Variants in ADAMTS3 observed in about 807,000 individuals in gnomAD.
The protein encoded by ADAMTS3 is ADAM metallopeptidase with thrombospondin type 1 motif 3.
ADAMTS3 carries 73 observed loss-of-function variants against 129.0 expected under a neutral mutation model. That is an observed-to-expected ratio of 0.57 (90% confidence interval 0.47 to 0.69). The LOEUF is 0.69. ADAMTS3 is among the 30% of genes least tolerant of loss of function. The pLI, the probability that ADAMTS3 is intolerant of heterozygous loss-of-function variation, is 0.00. For synonymous variants in ADAMTS3, 477 were observed against 510.8 expected, an observed-to-expected ratio of 0.93 and a Z score of 0.89; for missense variants, 1,457 against 1,514.5, an observed-to-expected ratio of 0.96 and a Z score of 0.63.
intron 4 of ADAMTS3, among the ~76,000 whole-genome samples, chr4:72,397,539 TGG>T (rs1333831454): frequency 6.8e-6 from 1 of 147,316 alleles, no homozygotes; most frequent in Non-Finnish European, 1.5e-5. Context: ...CATTCCAGCC[TGG>T]GCGACAGGGT....
intron 3 of ADAMTS3, among the ~76,000 whole-genome samples, chr4:72,525,476 T>G (rs1560550728): frequency 2.0e-5 from 3 of 152,168 alleles, no homozygotes. Flanking sequence ...CATGGAATAG[T>G]TTAATCATAT....
At chr4:72,315,426 C>T (rs1719364997) in intron 11 of ADAMTS3, among the ~76,000 whole-genome samples, 1 of 152,040 alleles carries the variant, frequency 6.6e-6, no homozygotes, top group South Asian at 2.1e-4. Flanking sequence ...AGATTTGACC[C>T]ATAAAGATGA....
chr4:72,512,863 T>G (rs1408365072), intron 3 of ADAMTS3, among the ~76,000 whole-genome samples: 2 of 152,220 alleles, frequency 1.3e-5, no homozygotes, highest in Non-Finnish European at 2.9e-5. Context: ...TTTTGTCTCT[T>G]CTGGCTTCTC....
At chr4:72,411,097 A>G (rs893372665) in intron 4 of ADAMTS3, among the ~76,000 whole-genome samples, 1 of 152,152 alleles carries the variant, frequency 6.6e-6, no homozygotes, top group Non-Finnish European at 1.5e-5. Context: ...TTAAAAAAAC[A>G]TATTTTTAAA....
At chr4:72,338,908 A>G (rs1389956115) in intron 5 of ADAMTS3, among the ~76,000 whole-genome samples, 1 of 152,166 alleles carries the variant, frequency 6.6e-6, no homozygotes, top group African/African-American at 2.4e-5. Flanking sequence ...GGTTCATAAA[A>G]GAGAAATAAA....
intron 3 of ADAMTS3, among the ~76,000 whole-genome samples, chr4:72,506,833 C>A (rs1720171795): frequency 6.6e-6 from 1 of 152,194 alleles, no homozygotes; most frequent in Non-Finnish European, 1.5e-5. Flanking sequence ...ACATTTTCCC[C>A]CACCAGGATC....
chr4:72,464,815 T>C (rs945847799), intron 3 of ADAMTS3, among the ~76,000 whole-genome samples: 3 of 152,060 alleles, frequency 2.0e-5, no homozygotes, highest in African/African-American at 4.8e-5. Context: ...AACTTAGTGT[T>C]CAAACTGCAT....
intron 3 of ADAMTS3, among the ~76,000 whole-genome samples, chr4:72,540,261 A>C (rs1721286555): frequency 6.6e-6 from 1 of 152,166 alleles, no homozygotes; most frequent in South Asian, 2.1e-4. Flanking sequence ...GACTGGCAGC[A>C]TTTTGCCCCT....
intron 4 of ADAMTS3, among the ~76,000 whole-genome samples, chr4:72,356,462 TATA>T (rs1443531809): frequency 6.6e-6 from 1 of 151,944 alleles, no homozygotes; most frequent in African/African-American, 2.4e-5. Context: ...ATCTAGTTGT[TATA>T]ATGTTTTTGT....
chr4:72,485,422 T>A (rs1229731702), intron 3 of ADAMTS3, among the ~76,000 whole-genome samples: 2 of 152,176 alleles, frequency 1.3e-5, no homozygotes, highest in African/African-American at 4.8e-5. Flanking sequence ...AGAGAATAGA[T>A]AAACATGTCT....
At chr4:72,483,488 CAA>C (rs1327476344) in intron 3 of ADAMTS3, among the ~76,000 whole-genome samples, 2 of 152,010 alleles carry the variant, frequency 1.3e-5, no homozygotes, top group Non-Finnish European at 2.9e-5. Flanking sequence ...TCTCTTTTTC[CAA>C]AAGAGTGACA....
intron 3 of ADAMTS3, among the ~76,000 whole-genome samples, chr4:72,463,400 C>G (rs1394364279): frequency 6.6e-6 from 1 of 151,970 alleles, no homozygotes; most frequent in African/African-American, 2.4e-5. Flanking sequence ...ATATTTTTGT[C>G]AGGTTATTTA....
intron 3 of ADAMTS3, among the ~76,000 whole-genome samples, chr4:72,538,064 G>T: frequency 6.6e-6 from 1 of 152,282 alleles, no homozygotes; most frequent in East Asian, 1.9e-4. Context: ...TAAACTTGAA[G>T]GGAGGACCAC....
chr4:72,339,464 A>C (rs1439809937), intron 5 of ADAMTS3, 30 bp downstream of exon 5: 1 of 1,606,876 alleles, frequency 6.2e-7, no homozygotes, highest in Admixed American at 1.7e-5. Flanking sequence ...TTAAAAGATC[A>C]AAAAGCTTTA....
chr4:72,482,664 A>G lies in ADAMTS3; in HGVS notation c.504+65814T>C, dbSNP rs915621989. On this transcript the variant is annotated intron_variant, in intron 3 of 21. Coordinates refer to ENST00000286657, the MANE Select transcript of ADAMTS3 (RefSeq NM_014243.3). ...GAGGATGTTATTGAGGGAAACAGAA[A>G]AGAGTACACTGAATCTATCATTTCT... Among the ~76,000 whole-genome samples, 17 of 152,298 alleles carry G rather than the reference A, an allele frequency of 1.1e-4. 1 individual carries two copies. Among genetic ancestry groups the G allele is most frequent in the Admixed American group, 1.0e-3 (16 of 15,306 alleles).
intron 3 of ADAMTS3, among the ~76,000 whole-genome samples, chr4:72,444,759 T>C (rs1718208271): frequency 1.3e-5 from 2 of 151,686 alleles, no homozygotes; most frequent in Admixed American, 6.6e-5. Context: ...GATTACAATA[T>C]GAGATAATTC....
intron 3 of ADAMTS3, among the ~76,000 whole-genome samples, chr4:72,429,913 G>C (rs1722656791): frequency 1.3e-5 from 2 of 151,966 alleles, no homozygotes; most frequent in Non-Finnish European, 2.9e-5. Flanking sequence ...TAAATCACCT[G>C]GAGACCTTGT....
intron 3 of ADAMTS3, among the ~76,000 whole-genome samples, chr4:72,542,139 A>G (rs1034222139): frequency 1.3e-5 from 2 of 150,086 alleles, no homozygotes; most frequent in African/African-American, 5.0e-5. Flanking sequence ...TACTAAACAA[A>G]TGTTAACTAT....
chr4:72,470,386 C>T lies in ADAMTS3; in HGVS notation c.505-55415G>A, dbSNP rs956119708. ...TTATATATATATATATACACACACA[C>T]ACACACACACACACACACACATTTC... On this transcript the variant is annotated intron_variant, in intron 3 of 21. Coordinates refer to ENST00000286657, the MANE Select transcript of ADAMTS3 (RefSeq NM_014243.3). Among the ~76,000 whole-genome samples, 260 of 92,504 alleles carry T rather than the reference C, an allele frequency of 2.8e-3. 1 individual carries two copies. The highest frequency in any genetic ancestry group is 4.7e-3 in the Non-Finnish European group (177 of 37,866). The allele number at this position is 92,504 out of a possible 152,430, so 60.7% of individuals were successfully genotyped here.
Sources: allele counts gnomAD v4.1 joint callset (sites outside exome capture counted in the v4.1 genomes callset), GRCh38; gene constraint gnomAD v4.1.1; transcripts MANE v1.5; gene names NCBI Gene and HGNC (gene_info 2026-07-23, HGNC 2026-07-21).